Variants in SFMBT2 observed in about 807,000 individuals in gnomAD.
SFMBT2 encodes Scm like with four mbt domains 2, also known as scm-like with four MBT domains protein 2.
SFMBT2 carries 38 observed loss-of-function variants against 110.1 expected under a neutral mutation model. The observed-to-expected ratio is 0.35, with a 90% CI of 0.27 to 0.45. The LOEUF is 0.45. SFMBT2 is among the 20% of genes least tolerant of loss of function. The pLI, the probability that SFMBT2 is intolerant of heterozygous loss-of-function variation, is 1.00. For synonymous variants in SFMBT2, 425 were observed against 425.4 expected, an observed-to-expected ratio of 1.00 and a Z score of 0.01; for missense variants, 1,011 against 1,094.9, an observed-to-expected ratio of 0.92 and a Z score of 1.08.
chr10:7,245,830 AAC>A (rs1299113306), intron 8 of SFMBT2, among the ~76,000 whole-genome samples: 2 of 152,228 alleles, frequency 1.3e-5, no homozygotes, highest in Non-Finnish European at 2.9e-5. Context: ...TGTTTGTTGT[AAC>A]ATCGTTTACA....
chr10:7,236,071 T>C (rs898851233), intron 9 of SFMBT2, among the ~76,000 whole-genome samples: 2 of 151,976 alleles, frequency 1.3e-5, no homozygotes, highest in African/African-American at 4.8e-5. Flanking sequence ...AGATATGACA[T>C]AAATATACAA....
intron 4 of SFMBT2, among the ~76,000 whole-genome samples, chr10:7,347,342 C>G (rs1844149637): frequency 6.6e-6 from 1 of 152,186 alleles, no homozygotes; most frequent in Non-Finnish European, 1.5e-5. Flanking sequence ...GAGCAGTAAA[C>G]TTCTAAATTA....
At chr10:7,325,779 C>T (rs531176048) in intron 4 of SFMBT2, among the ~76,000 whole-genome samples, 5 of 152,176 alleles carry the variant, frequency 3.3e-5, no homozygotes, top group South Asian at 4.2e-4. Context: ...TGGCTGCTAT[C>T]GGGTAACGGT....
At chr10:7,182,082 G>A (rs1830633190) in intron 16 of SFMBT2, among the ~76,000 whole-genome samples, 1 of 152,132 alleles carries the variant, frequency 6.6e-6, no homozygotes, top group Admixed American at 6.5e-5. Context: ...CTCTCACCCA[G>A]GCTGGAGTGC....
At chr10:7,340,299 G>A (rs1843851464) in intron 4 of SFMBT2, among the ~76,000 whole-genome samples, 1 of 152,118 alleles carries the variant, frequency 6.6e-6, no homozygotes, top group Non-Finnish European at 1.5e-5. Context: ...AGGTGAGGAG[G>A]AGGAGGAGGA....
intron 1 of SFMBT2, among the ~76,000 whole-genome samples, chr10:7,391,191 G>C (rs1588505421): frequency 2.0e-5 from 3 of 151,956 alleles, no homozygotes; most frequent in Admixed American, 2.0e-4. Flanking sequence ...ACAGTGGCTG[G>C]GCGTGGTGGC....
At chr10:7,347,214 C>T (rs1015589812) in intron 4 of SFMBT2, among the ~76,000 whole-genome samples, 6 of 152,146 alleles carry the variant, frequency 3.9e-5, no homozygotes, top group African/African-American at 1.4e-4. Context: ...CCCAGGAGAC[C>T]GAGTTTTGCT....
intron 4 of SFMBT2, among the ~76,000 whole-genome samples, chr10:7,288,148 G>C (rs373530394): frequency 6.6e-6 from 1 of 152,178 alleles, no homozygotes; most frequent in Non-Finnish European, 1.5e-5. Context: ...GTAGAATGGA[G>C]ACCAAGATAC....
chr10:7,194,442 T>A (rs1838706731), intron 15 of SFMBT2, among the ~76,000 whole-genome samples: 1 of 152,180 alleles, frequency 6.6e-6, no homozygotes, highest in African/African-American at 2.4e-5. Context: ...CATGTCTGCA[T>A]CCACACCCCG....
At chr10:7,228,454 G>A in intron 9 of SFMBT2, 1 of 618,810 alleles carries the variant, frequency 1.6e-6, no homozygotes, top group Non-Finnish European at 2.0e-6. Flanking sequence ...GCAACAAAGA[G>A]TAGAGGGTTT....
chr10:7,341,370 T>C (rs977660884), intron 4 of SFMBT2, among the ~76,000 whole-genome samples: 1 of 152,228 alleles, frequency 6.6e-6, no homozygotes, highest in Non-Finnish European at 1.5e-5. Flanking sequence ...CTAACGTTCA[T>C]TCTGGTTCTA....
chr10:7,205,794 C>A, intron 12 of SFMBT2, 21 bp downstream of exon 12: 4 of 1,610,206 alleles, frequency 2.5e-6, no homozygotes, highest in Non-Finnish European at 3.4e-6. Context: ...ATCCACCCCC[C>A]CTCAACTGGG....
chr10:7,308,637 G>C (rs1428545034), intron 4 of SFMBT2, among the ~76,000 whole-genome samples: 1 of 152,156 alleles, frequency 6.6e-6, no homozygotes, highest in East Asian at 1.9e-4. Context: ...ATGGCAATGT[G>C]ATAGTCCTGG....
chr10:7,367,657 G>A lies in SFMBT2; in HGVS notation c.428C>T (p.Pro143Leu), dbSNP rs1774765523. 4 of 1,608,832 alleles carry A rather than the reference G, an allele frequency of 2.5e-6. No homozygotes were observed. The highest frequency in any genetic ancestry group is 1.7e-6 in the Non-Finnish European group (2 of 1,176,518). The change falls in exon 4 of 21, where the codon CCG becomes CTG. Residue 143 changes from proline to leucine, a missense_variant. Around this residue, in one of 2 missense-constraint regions of SFMBT2, gnomAD observed 979 missense variants for 1,016.1 expected, o/e 0.96. Coordinates refer to ENST00000397167, the MANE Select transcript of SFMBT2 (RefSeq NM_001387889.1). This position sits in a 1 kb window ranked among gnomAD's most constrained non-coding sequence, Gnocchi z 6.2. The part of the protein sequence containing the change: ...WCTQNNKVLM[P>L]PDAIKEKYTD... The stretch of plus-strand genomic sequence containing the variant: ...TTGAAACAGGGGCTCACCGTCCGGC[G>A]GCATCAACACCTTGTTGTTCTGTGT...
At chr10:7,229,312 G>T (rs1322793844) in intron 9 of SFMBT2, among the ~76,000 whole-genome samples, 1 of 152,148 alleles carries the variant, frequency 6.6e-6, no homozygotes, top group Non-Finnish European at 1.5e-5. Context: ...CGGGCGCGGT[G>T]GCTCACGCCT....
chr10:7,183,037 A>G (rs1365508001), intron 16 of SFMBT2, among the ~76,000 whole-genome samples: 1 of 152,190 alleles, frequency 6.6e-6, no homozygotes, highest in Non-Finnish European at 1.5e-5. Flanking sequence ...TCCCAAGAAG[A>G]CAAAGTAAGA....
At chr10:7,178,732 G>A (rs1175854226) in intron 16 of SFMBT2, among the ~76,000 whole-genome samples, 1 of 152,158 alleles carries the variant, frequency 6.6e-6, no homozygotes, top group Non-Finnish European at 1.5e-5. Context: ...GCTACAAAAA[G>A]CAGATTCGAT....
intron 7 of SFMBT2, among the ~76,000 whole-genome samples, chr10:7,270,951 A>T (rs7914577): frequency 0.77 from 117,288 of 152,080 alleles, 45,487 homozygotes; most frequent in East Asian, 0.92. Context: ...TACCTCTAAA[A>T]AAGTGTGCAT....
intron 4 of SFMBT2, among the ~76,000 whole-genome samples, chr10:7,316,468 C>T (rs978361096): frequency 3.3e-5 from 5 of 152,140 alleles, no homozygotes; most frequent in African/African-American, 4.8e-5. Flanking sequence ...GAAAGCAGCA[C>T]AAGGAACACT....
Sources: allele counts gnomAD v4.1 joint callset (sites outside exome capture counted in the v4.1 genomes callset), GRCh38; gene constraint gnomAD v4.1.1; regional missense constraint gnomAD v4.1.1; non-coding constraint Gnocchi (gnomAD v3.1); transcripts MANE v1.5; gene names NCBI Gene and HGNC (gene_info 2026-07-23, HGNC 2026-07-21).